The following TOMT variants were observed in gnomAD, a reference collection of about 807,000 sequenced individuals.
The protein encoded by TOMT is transmembrane O-methyltransferase.
A neutral mutation model predicts 21.7 loss-of-function variants in TOMT; 23 were observed. The ratio of observed to expected loss-of-function variants is 1.06; its 90% CI spans 0.76 to 1.50. The LOEUF is 1.50. Among genes scored for constraint, TOMT ranks in the 40% most tolerant of loss-of-function variants. The pLI is 0.00. For synonymous variants in TOMT, 132 were observed against 150.8 expected, an observed-to-expected ratio of 0.88 and a Z score of 0.91; for missense variants, 331 against 348.7, an observed-to-expected ratio of 0.95 and a Z score of 0.41.
intron 1 of TOMT, chr11:72,107,381 T>C (rs1472790796): frequency 5.9e-6 from 4 of 680,900 alleles, no homozygotes; most frequent in Admixed American, 2.1e-5. Flanking sequence ...ATCTGAAAGA[T>C]AGGGTGGTTG....
At chr11:72,106,113 C>T (rs1447791541) in exon 1 of TOMT, 9 of 1,547,508 alleles carry the variant, frequency 5.8e-6, no homozygotes, top group Admixed American at 2.0e-5. Flanking sequence ...GCTACGTGCT[C>T]ACCCATGCCC....
chr11:72,107,620 T>C, intron 1 of TOMT: 1 of 667,574 alleles, frequency 1.5e-6, no homozygotes, highest in South Asian at 1.6e-5. Context: ...AAAGGTAGGA[T>C]AGGATCAGGT....
At chr11:72,108,392 G>C (rs1945943084) in intron 2 of TOMT, among the ~76,000 whole-genome samples, 1 of 152,204 alleles carries the variant, frequency 6.6e-6, no homozygotes, top group African/African-American at 2.4e-5. Context: ...ACGTGACCTT[G>C]AGCAAAGCAT....
At chr11:72,108,087 C>A (rs1565331959) in exon 2 of TOMT, 1 of 1,533,912 alleles carries the variant, frequency 6.5e-7, no homozygotes, top group Non-Finnish European at 8.8e-7. Flanking sequence ...GGCTGAAAAA[C>A]TCATCCGCCT....
chr11:72,107,850 ATT>A, intron 1 of TOMT, 71 bp from the exon 2 acceptor site: 1 of 1,508,216 alleles, frequency 6.6e-7, no homozygotes, highest in South Asian at 1.2e-5. Flanking sequence ...GCAGGTAGGC[ATT>A]TGAGATATCT....
chr11:72,108,871 C>T, exon 3 of TOMT: 1 of 1,550,314 alleles, frequency 6.5e-7, no homozygotes, highest in Non-Finnish European at 8.7e-7. Context: ...GCCTTCCAGA[C>T]TTCCCTGCCA....
intron 1 of TOMT, 66 bp from the exon 2 acceptor site, chr11:72,107,857 A>G (rs1260396640): frequency 2.0e-6 from 3 of 1,526,260 alleles, no homozygotes; most frequent in Non-Finnish European, 2.7e-6. Flanking sequence ...GGCATTTGAG[A>G]TATCTTTTAT....
intron 1 of TOMT, chr11:72,107,492 C>T (rs1206965216): frequency 5.7e-6 from 4 of 702,748 alleles, no homozygotes; most frequent in Non-Finnish European, 1.0e-5. Context: ...AGGGCAAAGC[C>T]AGCCACATAT....
chr11:72,108,255 C>G (rs1706894598), intron 2 of TOMT, 136 bp downstream of exon 2: 5 of 717,664 alleles, frequency 7.0e-6, no homozygotes, highest in Non-Finnish European at 1.1e-5. Context: ...GGTGTGTGAG[C>G]TCCTGCCCTC....
In TOMT at chr11:72,106,118, A is replaced by G. The variant is rs957857044; in HGVS notation, c.167A>G (p.His56Arg). 8 of 1,547,104 alleles carry G rather than the reference A, an allele frequency of 5.2e-6. No individual in the cohort carries two copies. The African/African-American group carries it at 9.6e-5, about 19-fold the overall frequency. Reference sequence around the variant, plus strand: ...CGGGCCTTCAGCTACGTGCTCACCCATGCCCTGCCCGGTGACCCTGGTCAC... The same window carrying G: ...CGGGCCTTCAGCTACGTGCTCACCCGTGCCCTGCCCGGTGACCCTGGTCAC... The change falls in exon 1 of 3, where the codon CAT becomes CGT. Residue 56 changes from histidine to arginine, a missense_variant. Transcript: ENST00000541899.
Position 72,108,812 on chromosome 11 carries a change from C to T in TOMT, c.664C>T (p.Gln222Ter). The change falls in exon 3 of 3, where the codon CAG becomes TAG. Residue 222 changes from glutamine (Q) to a stop codon, truncating the protein, a stop_gained. Transcript: ENST00000541899. LOFTEE classifies it high-confidence loss of function. ...CTTCCCTGGTGCACCCCGCTTCTTG[C>T]AGTATGCTAAGAGCTGTGGCCGCTA... 6.4e-7 allele frequency: 1 copy of T among 1,550,676 alleles called. No homozygotes were observed. Among genetic ancestry groups the T allele is most frequent in the African/African-American group, 1.4e-5 (1 of 73,170 alleles).
rs764268350 is a variant in TOMT at position 72,106,013 on chromosome 11, G to A, written c.62G>A (p.Arg21Gln). Residue 21 changes from arginine (R) to glutamine (Q), a missense_variant, in exon 1 of 3, where the codon CGG becomes CAG. Physicochemically the swap from Arg to Gln is conservative, Grantham distance 43 (BLOSUM62 1). Transcript: ENST00000541899. Reference sequence around the variant, plus strand: ...GTGGTAACATTGCTGGTGCGGTACCGGCACTACTTCCGATTGCTGGTGCGC... The same window carrying A: ...GTGGTAACATTGCTGGTGCGGTACCAGCACTACTTCCGATTGCTGGTGCGC... The A allele has an allele frequency of 1.5e-5, 24 of 1,550,898 alleles. No homozygotes were observed. The highest frequency in any genetic ancestry group is 1.2e-4 in the East Asian group (5 of 40,928).
chr11:72,109,448 G>GTTCT, downstream of TOMT: 2 of 420,118 alleles, frequency 4.8e-6, no homozygotes, highest in East Asian at 7.1e-5. Flanking sequence ...CAGGGCCAGG[G>GTTCT]ATGCCCTGGC....
intron 1 of TOMT, 117 bp downstream of exon 1, chr11:72,106,327 C>T: frequency 8.8e-7 from 1 of 1,141,658 alleles, no homozygotes; most frequent in Non-Finnish European, 1.2e-6. Flanking sequence ...TCTTTTAGGG[C>T]CTCTTTTTTT....
At chr11:72,109,455 T>C, downstream of TOMT, 2 of 408,402 alleles carry the variant, frequency 4.9e-6, no homozygotes, top group Non-Finnish European at 9.7e-6. Context: ...AGGGATGCCC[T>C]GGCCTTCCCT....
chr11:72,108,966 C>T (rs1591194765), exon 3 of TOMT: 2 of 1,446,046 alleles, frequency 1.4e-6, no homozygotes, highest in East Asian at 5.0e-5. Flanking sequence ...CACCCCCACC[C>T]CCACCCAAGC....
In TOMT at chr11:72,106,211, G is replaced by T. The variant is rs1565330066; in HGVS notation, c.259+1G>T. 6.7e-7 allele frequency: 1 copy of T among 1,485,076 alleles called. No homozygotes were observed. Among genetic ancestry groups the T allele is most frequent in the Non-Finnish European group, 9.0e-7 (1 of 1,112,810 alleles). 92.0% of individuals were successfully genotyped at this position (1,485,076 alleles called of 1,614,324 possible). A position where few individuals can be genotyped will look rare whatever the true frequency, so the allele number is the denominator to read the frequency against. ...TTGAGCCACATGGGGCCTGTCAAAG[G>T]TCAGTGTTCCCTAGCCTTCTGCTCC... On this transcript the variant is annotated splice_donor_variant, in intron 1 of 2. Coordinates refer to ENST00000541899, the Ensembl canonical transcript of TOMT. LOFTEE classifies it high-confidence loss of function.
chr11:72,107,805 A>G (rs1387374063), intron 1 of TOMT, 118 bp from the exon 2 acceptor site: 13 of 1,118,616 alleles, frequency 1.2e-5, no homozygotes, highest in Non-Finnish European at 1.7e-5. Context: ...TACAAGAGAC[A>G]GATGAGACCC....
chr11:72,108,569 C>G, intron 2 of TOMT, 36 bp from the exon 3 acceptor site: 1 of 1,431,538 alleles, frequency 7.0e-7, no homozygotes, highest in Admixed American at 2.8e-5. Flanking sequence ...GAACAATTCC[C>G]CCCACCCTCA....
Sources: gnomAD v4.1 joint callset for allele counts (sites outside exome capture counted in the v4.1 genomes callset) on GRCh38, gnomAD v4.1.1 for gene constraint, MANE v1.5 for transcripts, NCBI Gene and HGNC (gene_info 2026-07-23, HGNC 2026-07-21) for gene names.